The following LDB1 variants were observed in gnomAD, a reference collection of about 807,000 sequenced individuals.
LDB1 encodes LIM domain-binding protein 1.
Under a neutral mutation model 49.7 loss-of-function variants are expected in LDB1, and 6 were observed. The ratio of observed to expected loss-of-function variants is 0.12; its 90% CI spans 0.07 to 0.24. The LOEUF is 0.24. Ranked by LOEUF, LDB1 falls within the 10% of genes least tolerant of loss-of-function variation. The pLI is 1.00. For missense variants in LDB1, 341 were observed against 561.7 expected (o/e 0.61, Z 3.97); for synonymous variants, 233 against 202.0 (o/e 1.15, Z -1.30).
rs754264863 is a variant in LDB1 at position 102,109,080 on chromosome 10, G to A, written c.954C>T (p.Asn318=). The change falls in exon 10 of 11, where the codon AAC becomes AAT. Residue 318 remains asparagine, a synonymous_variant. Transcript: ENST00000673968. This position sits in a 1 kb window ranked among gnomAD's most constrained non-coding sequence, Gnocchi z 5.8. ...TGCTAGCTGGGCTCTTCTTCTTGCTGTTGCTGTTGTTGGTGTTGCCACCAC... is the reference window on the plus strand; with the variant it reads ...TGCTAGCTGGGCTCTTCTTCTTGCTATTGCTGTTGTTGGTGTTGCCACCAC... The part of the protein sequence containing the change: ...SSGGGNTNNS[N]SKKKSPASTF... The A allele has an allele frequency of 6.2e-7, 1 of 1,614,218 alleles. No individual in the cohort carries two copies. The highest frequency in any genetic ancestry group is 8.5e-7 in the Non-Finnish European group (1 of 1,180,040).
Position 102,109,666 on chromosome 10 carries a change from C to T in LDB1, c.666G>A (p.Met222Ile). ...ILAMHAQDPQ[M>I]LDQLSKNITR... The stretch of plus-strand genomic sequence containing the variant: ...TGATGTTTTTGGAGAGCTGATCCAA[C>T]ATCTGGGGGTCTTGGGCCTAGAGTG... Residue 222 changes from methionine to isoleucine, a missense_variant, in exon 8 of 11, where the codon ATG becomes ATA. Met to Ile is a conservative substitution (Grantham distance 10, BLOSUM62 1). Transcript: ENST00000673968. The surrounding 1 kb of genome is among the most constrained non-coding windows in gnomAD (Gnocchi z 5.8). 1.9e-6 allele frequency: 3 copies of T among 1,614,100 alleles called. No individual in the cohort carries two copies. The highest frequency in any genetic ancestry group is 2.5e-6 in the Non-Finnish European group (3 of 1,179,990).
Position 102,111,472 on chromosome 10 carries a change from G to A in LDB1, c.90C>T (p.Pro30=). The change falls in exon 2 of 11, where the codon CCC becomes CCT. Residue 30 remains proline (P), a synonymous_variant. Coordinates refer to ENST00000673968, the MANE Select transcript of LDB1 (RefSeq NM_001113407.3). ...PKEPPNGNAF[P]PFHPGTMLDR... ...CCAGCATGGTGCCGGGATGGAAGGG[G>A]GGAAAGGCGTTGCCGTTCGGGGGCT... is the stretch of plus-strand genomic sequence containing the variant. 6.4e-7 allele frequency: 1 copy of A among 1,565,704 alleles called. No individual in the cohort carries two copies. Among genetic ancestry groups the A allele is most frequent in the Non-Finnish European group, 8.7e-7 (1 of 1,154,646 alleles).
downstream of LDB1, among the ~76,000 whole-genome samples, chr10:102,103,405 A>G (rs2133489538): frequency 6.6e-6 from 1 of 152,120 alleles, no homozygotes; most frequent in South Asian, 2.1e-4. Context: ...CAGTGGTGCA[A>G]TCACAACTCA....
At chr10:102,110,455 G>T in intron 6 of LDB1, 74 bp downstream of exon 6, 1 of 1,456,092 alleles carries the variant, frequency 6.9e-7, no homozygotes, top group Non-Finnish European at 9.4e-7. Flanking sequence ...GAACAGCTGT[G>T]AGTATACACT....
Position 102,108,060 on chromosome 10 carries a change from AG to A in LDB1, c.*32del. 2 of 1,512,724 alleles carry A rather than the reference AG, an allele frequency of 1.3e-6. No homozygotes were observed. The highest frequency in any genetic ancestry group is 3.3e-5 in the Admixed American group (2 of 59,836). 93.7% of individuals were successfully genotyped at this position (1,512,724 alleles called of 1,614,324 possible). On this transcript the variant is annotated 3_prime_UTR_variant, in exon 11 of 11. Coordinates refer to ENST00000673968, the MANE Select transcript of LDB1 (RefSeq NM_001113407.3). ...TGGGGCTGTGAGGGGTGGGGCAGGT[AG>A]GCAGAGCACTGGGTGGCCACAGCAG...
At chr10:102,104,280 G>C (rs1590275328), downstream of LDB1, among the ~76,000 whole-genome samples, 2 of 152,268 alleles carry the variant, frequency 1.3e-5, no homozygotes, top group East Asian at 3.9e-4. Flanking sequence ...AGCCCTGGCT[G>C]GGGTACATGG....
chr10:102,114,122 C>A (rs954364413), intron 1 of LDB1, among the ~76,000 whole-genome samples: 1 of 152,222 alleles, frequency 6.6e-6, no homozygotes, highest in Non-Finnish European at 1.5e-5. Context: ...AAATTGGAAG[C>A]CTTTAGGAAG....
intron 1 of LDB1, chr10:102,114,873 C>G (rs575832338): frequency 3.1e-6 from 3 of 983,134 alleles, no homozygotes; most frequent in African/African-American, 3.5e-5. Context: ...GAGGCAGGAC[C>G]CGGCACTCAC....
rs374224087 is a variant in LDB1 at position 102,109,580 on chromosome 10, C to T, written c.732+20G>A. ...GAGACTAAATGGACTGGGGCAGAAA[C>T]TGGGTGGTCGGAGACTCACTCGGAG... On this transcript the variant is annotated intron_variant, in intron 8 of 10. Coordinates refer to ENST00000673968, the MANE Select transcript of LDB1 (RefSeq NM_001113407.3). This position sits in a 1 kb window ranked among gnomAD's most constrained non-coding sequence, Gnocchi z 5.8. 3 of 1,614,044 alleles carry T rather than the reference C, an allele frequency of 1.9e-6. No homozygotes were observed. The highest frequency in any genetic ancestry group is 2.5e-6 in the Non-Finnish European group (3 of 1,179,962).
rs1234330608 is a variant in LDB1, at chr10:102,110,541, G to A, written c.513C>T (p.Pro171=). The part of the protein sequence containing the change: ...QGSMVTQHGK[P]MFTQVCVEGR... ...CTGGGTTGCTGACCTGGGTGAACATGGGCTTGCCATGCTGGGTCACCATGC... is the reference window on the plus strand; with the variant it reads ...CTGGGTTGCTGACCTGGGTGAACATAGGCTTGCCATGCTGGGTCACCATGC... Residue 171 remains proline (P), a synonymous_variant, in exon 6 of 11, where the codon CCC becomes CCT. Coordinates refer to ENST00000673968, the MANE Select transcript of LDB1 (RefSeq NM_001113407.3). 1 of 1,611,986 alleles carries A rather than the reference G, an allele frequency of 6.2e-7. No homozygotes were observed. Among genetic ancestry groups the A allele is most frequent in the South Asian group, 1.1e-5 (1 of 90,834 alleles).
Position 102,111,526 on chromosome 10 carries a change from T to G in LDB1, c.36A>C (p.Ser12=), listed in dbSNP as rs1267535254. Residue 12 remains serine, a synonymous_variant, in exon 2 of 11, where the codon TCA becomes TCC. Transcript: ENST00000673968. ...SVGCACPGCS[S]KSFKLYSPKE... is the part of the protein sequence containing the mutation. ...TCGGCGAGTACAGCTTGAATGACTT[T>G]GAGGAACAACCTAGACGAGAAAGAA... 1 of 1,531,506 alleles carries G rather than the reference T, an allele frequency of 6.5e-7. No individual in the cohort carries two copies. The highest frequency in any genetic ancestry group is 1.4e-5 in the African/African-American group (1 of 72,022). 94.9% of individuals were successfully genotyped at this position (1,531,506 alleles called of 1,614,324 possible).
rs917437689 is a variant in LDB1 at position 102,106,495 on chromosome 10, C to A, written c.*1598G>T. Among the ~76,000 whole-genome samples, 2 of 122,120 alleles carry A rather than the reference C, an allele frequency of 1.6e-5. No homozygotes were observed. Among genetic ancestry groups the A allele is most frequent in the Non-Finnish European group, 1.6e-5 (1 of 63,032 alleles). 80.1% of individuals were successfully genotyped at this position (122,120 alleles called of 152,430 possible). A position where few individuals can be genotyped will look rare whatever the true frequency, so the allele number is the denominator to read the frequency against. On this transcript the variant is annotated 3_prime_UTR_variant, in exon 11 of 11. Coordinates refer to ENST00000673968, the MANE Select transcript of LDB1 (RefSeq NM_001113407.3). ...ATGACCAACCAGGACACTCTCAAAC[C>A]GAAAAGTCTCTTTATTGATTGGTAC...
Position 102,120,069 on chromosome 10 carries a change from C to T in LDB1, c.25+17G>A. 1 of 1,436,180 alleles carries T rather than the reference C, an allele frequency of 7.0e-7. No homozygotes were observed. 89.0% of individuals were successfully genotyped at this position (1,436,180 alleles called of 1,614,324 possible). A position where few individuals can be genotyped will look rare whatever the true frequency, so the allele number is the denominator to read the frequency against. ...GGCTGGGCAGGAAGGGGCCGAGTGG[C>T]CGCACGCCCCACTCACCAGGACAGG... On this transcript the variant is annotated intron_variant, in intron 1 of 10. Coordinates refer to ENST00000673968, the MANE Select transcript of LDB1 (RefSeq NM_001113407.3).
At chr10:102,114,897 C>T (rs922098955) in intron 1 of LDB1, 14 of 972,728 alleles carry the variant, frequency 1.4e-5, no homozygotes, top group Non-Finnish European at 1.7e-5. Context: ...CACTCACACT[C>T]GCACACTCAA....
chr10:102,112,937 C>T (rs917545045), intron 1 of LDB1, among the ~76,000 whole-genome samples: 1 of 152,158 alleles, frequency 6.6e-6, no homozygotes, highest in Non-Finnish European at 1.5e-5. Flanking sequence ...GGTACCCCTG[C>T]AACTCTGTTT....
chr10:102,108,987 G>T (rs371868129), intron 10 of LDB1, 42 bp downstream of exon 10: 52 of 1,613,750 alleles, frequency 3.2e-5, no homozygotes, highest in Non-Finnish European at 4.2e-5. Context: ...AGGGGTGAGT[G>T]GTGGGGCAGC....
Position 102,107,310 on chromosome 10 carries a change from G to A in LDB1, c.*783C>T, listed in dbSNP as rs903725928. On this transcript the variant is annotated 3_prime_UTR_variant, in exon 11 of 11. Transcript: ENST00000673968. Reference sequence around the variant, plus strand: ...TGGGGACACAGAGACAACAGCAGGGGTCTGTCACCAAAATGTGGCCACCAA... The same window carrying A: ...TGGGGACACAGAGACAACAGCAGGGATCTGTCACCAAAATGTGGCCACCAA... Among the ~76,000 whole-genome samples, 96 of 152,176 alleles carry A rather than the reference G, an allele frequency of 6.3e-4. No homozygotes were observed. Among genetic ancestry groups the A allele is most frequent in the East Asian group, 7.7e-4 (4 of 5,172 alleles).
In LDB1 at chr10:102,106,633, G is replaced by A. The variant is rs1199170981; in HGVS notation, c.*1460C>T. Among the ~76,000 whole-genome samples the A allele has an allele frequency of 7.8e-6, 1 of 128,798 alleles. No homozygotes were observed. Among genetic ancestry groups the A allele is most frequent in the Non-Finnish European group, 1.6e-5 (1 of 64,040 alleles). The allele number at this position is 128,798 out of a possible 152,430, so 84.5% of individuals were successfully genotyped here. On this transcript the variant is annotated 3_prime_UTR_variant, in exon 11 of 11. Coordinates refer to ENST00000673968, the MANE Select transcript of LDB1 (RefSeq NM_001113407.3). ...TCCACCTTCCTCACCCCTTCCCTCA[G>A]CTCCTGACTCAATACCCTTCCAAAA...
chr10:102,111,008 G>A (rs768693056), intron 4 of LDB1, 37 bp from the exon 5 acceptor site: 74 of 1,611,272 alleles, frequency 4.6e-5, no homozygotes, highest in Non-Finnish European at 5.9e-5. Flanking sequence ...TGTGTCATAA[G>A]ATATCCCATA....
Sources: gnomAD v4.1 joint callset for allele counts (sites outside exome capture counted in the v4.1 genomes callset) on GRCh38, gnomAD v4.1.1 for gene constraint, Gnocchi (gnomAD v3.1) non-coding constraint, MANE v1.5 for transcripts, NCBI Gene and HGNC (gene_info 2026-07-23, HGNC 2026-07-21) for gene names.